SREBF2: variants seen among roughly 807,000 people sequenced by gnomAD.
The protein encoded by SREBF2 is sterol regulatory element-binding protein 2.
Under a neutral mutation model 113.1 loss-of-function variants are expected in SREBF2, and 55 were observed. The observed-to-expected ratio is 0.49, with a 90% CI of 0.39 to 0.61. The LOEUF (loss-of-function observed/expected upper bound fraction) is 0.61, where lower values mean the gene tolerates loss of function less well. Among genes scored for constraint, SREBF2 ranks in the 20% least tolerant of loss-of-function variants. The probability of loss-of-function intolerance (pLI) is 0.00; values close to 1 mark genes in which losing one functional copy is unlikely to be tolerated. For synonymous variants in SREBF2, 593 were observed against 605.7 expected (o/e 0.98, Z 0.31); for missense variants, 1,349 against 1,487.4 (o/e 0.91, Z 1.53).
rs1414450243 is a variant in SREBF2 at position 41,880,736 on chromosome 22, C to T, written c.1782C>T (p.Ala594=). ...TGTAGGGAGATTTTGCAGCTGCTGC[C>T]GGCAACCTACAAACCTGCCTGGCAG... ...DLARGDFAAA[A]GNLQTCLAVL... Residue 594 remains alanine, a synonymous_variant, in exon 10 of 19, where the codon GCC becomes GCT. Coordinates refer to ENST00000361204, the MANE Select transcript of SREBF2 (RefSeq NM_004599.4). 27 of 1,614,030 alleles carry T rather than the reference C, an allele frequency of 1.7e-5. No homozygotes were observed. The highest frequency in any genetic ancestry group is 4.5e-5 in the East Asian group (2 of 44,898).
intron 9 of SREBF2, 61 bp downstream of exon 9, chr22:41,878,184 C>G (rs567139383): frequency 1.3e-5 from 21 of 1,600,798 alleles, no homozygotes; most frequent in Non-Finnish European, 1.8e-5. Flanking sequence ...TTCAGCAACT[C>G]GTGTCAAAGA....
rs1398477143 is a variant in SREBF2, at chr22:41,905,661, C to T, written c.*1C>T. Reference sequence around the variant, plus strand: ...TGGCACTGCCATTGCCGCCTCCTGACCACCAGGCTCAGCCCACCCCTCCAC... The same window carrying T: ...TGGCACTGCCATTGCCGCCTCCTGATCACCAGGCTCAGCCCACCCCTCCAC... On this transcript the variant is annotated 3_prime_UTR_variant, in exon 19 of 19. Transcript: ENST00000361204. The T allele has an allele frequency of 6.4e-7, 1 of 1,572,678 alleles. No homozygotes were observed. The highest frequency in any genetic ancestry group is 8.6e-7 in the Non-Finnish European group (1 of 1,159,564).
chr22:41,879,116 G>A (rs573268064), intron 9 of SREBF2, among the ~76,000 whole-genome samples: 26 of 152,228 alleles, frequency 1.7e-4, no homozygotes, highest in Admixed American at 5.2e-4. Flanking sequence ...TCACCTTGAC[G>A]TCCCAAAGTG....
chr22:41,853,456 CTT>C (rs1240355810), intron 1 of SREBF2, among the ~76,000 whole-genome samples: 1 of 152,208 alleles, frequency 6.6e-6, no homozygotes, highest in Admixed American at 6.5e-5. Context: ...CCCTGTGTCT[CTT>C]TGGTGTCTTG....
At chr22:41,873,736 T>G in intron 4 of SREBF2, 62 bp from the exon 5 acceptor site, 2 of 1,527,570 alleles carry the variant, frequency 1.3e-6, no homozygotes, top group Non-Finnish European at 8.9e-7. Flanking sequence ...AGGTCTGTGT[T>G]GAGGTTGCTT....
At chr22:41,878,784 C>G in intron 9 of SREBF2, 1 of 1,275,296 alleles carries the variant, frequency 7.8e-7, no homozygotes, top group Non-Finnish European at 1.0e-6. Context: ...GCCCTCCCCA[C>G]CTCTGCAAGC....
intron 1 of SREBF2, among the ~76,000 whole-genome samples, chr22:41,844,033 T>TATACACACACACAC (rs1556029624): frequency 7.3e-5 from 9 of 123,108 alleles, no homozygotes; most frequent in African/African-American, 1.5e-4. Context: ...AAAAAATACA[T>TATACACACACACAC]ACACACACAC....
intron 1 of SREBF2, chr22:41,834,480 T>G (rs2076750250): frequency 6.5e-6 from 1 of 152,684 alleles, no homozygotes; most frequent in Non-Finnish European, 1.5e-5. Flanking sequence ...TGCATTGTAC[T>G]TTTCAGTTTT....
chr22:41,840,892 C>G (rs1213859383), intron 1 of SREBF2, among the ~76,000 whole-genome samples: 2 of 152,192 alleles, frequency 1.3e-5, no homozygotes, highest in African/African-American at 4.8e-5. Flanking sequence ...GTCACCTGAG[C>G]CTGCAGAGGA....
chr22:41,835,753 G>A (rs980144729), intron 1 of SREBF2, among the ~76,000 whole-genome samples: 12 of 152,156 alleles, frequency 7.9e-5, no homozygotes, highest in African/African-American at 2.9e-4. Context: ...TCAGCTTCCC[G>A]AGTAGTTAGG....
chr22:41,864,632 G>A (rs976254444), intron 1 of SREBF2, among the ~76,000 whole-genome samples: 2 of 151,564 alleles, frequency 1.3e-5, no homozygotes, highest in Non-Finnish European at 2.9e-5. Flanking sequence ...AAAAATCTTT[G>A]TGTTTTTTTG....
rs2076728670 is a variant in SREBF2, at chr22:41,833,220, C to G, written c.-51C>G. 6.9e-7 allele frequency: 1 copy of G among 1,444,212 alleles called. No individual in the cohort carries two copies. Among genetic ancestry groups the G allele is most frequent in the Non-Finnish European group, 9.2e-7 (1 of 1,081,236 alleles). The allele number at this position is 1,444,212 out of a possible 1,614,324, so 89.5% of individuals were successfully genotyped here. A position where few individuals can be genotyped will look rare whatever the true frequency, so the allele number is the denominator to read the frequency against. On this transcript the variant is annotated 5_prime_UTR_variant, in exon 1 of 19. Coordinates refer to ENST00000361204, the MANE Select transcript of SREBF2 (RefSeq NM_004599.4). The surrounding 1 kb of genome is among the most constrained non-coding windows in gnomAD (Gnocchi z 4.1). ...TGGGCGGTGGCGACGGCACCGCCCC[C>G]GCGTCTCCCTGAGCGGGACGGCAGG...
At chr22:41,855,049 A>C (rs8141414) in intron 1 of SREBF2, among the ~76,000 whole-genome samples, 16,255 of 151,570 alleles carry the variant, frequency 0.11, 1,528 homozygotes, top group African/African-American at 0.26. Context: ...ACTATGTGTA[A>C]TATAGCAAAG....
intron 5 of SREBF2, among the ~76,000 whole-genome samples, chr22:41,874,323 A>T (rs530796563): frequency 1.4e-4 from 21 of 152,314 alleles, no homozygotes; most frequent in African/African-American, 4.3e-4. Context: ...GTAGTTCCAG[A>T]TACAGGACTG....
intron 7 of SREBF2, among the ~76,000 whole-genome samples, 192 bp downstream of exon 7, chr22:41,875,916 C>T (rs573208379): frequency 6.6e-6 from 1 of 152,326 alleles, no homozygotes; most frequent in East Asian, 1.9e-4. Flanking sequence ...GGGAAACAGT[C>T]CCTCAGGTTT....
At chr22:41,852,941 G>C (rs1373806690) in intron 1 of SREBF2, among the ~76,000 whole-genome samples, 1 of 151,828 alleles carries the variant, frequency 6.6e-6, no homozygotes, top group Non-Finnish European at 1.5e-5. Context: ...GTAGAGACGG[G>C]GTTTCACCAT....
chr22:41,895,000 C>A, intron 13 of SREBF2, 63 bp downstream of exon 13: 1 of 1,294,444 alleles, frequency 7.7e-7, no homozygotes, highest in Non-Finnish European at 1.1e-6. Flanking sequence ...TCCAGGACAG[C>A]CTGAAGGCCT....
At position 41,902,873 on chromosome 22, in the gene SREBF2, G is replaced by A. The variant is rs1422889219; in HGVS notation, c.2908-97G>A. ...CTCTCCACTTCCTCCCAGAGCTGCT[G>A]AGTGTTGGTCTGGGGAGAGGCCTGG... On this transcript the variant is annotated intron_variant, in intron 16 of 18. Coordinates refer to ENST00000361204, the MANE Select transcript of SREBF2 (RefSeq NM_004599.4). 3.1e-6 allele frequency: 4 copies of A among 1,309,260 alleles called. No homozygotes were observed. In the South Asian group the frequency reaches 5.1e-5, roughly 17 times the overall value. The allele number at this position is 1,309,260 out of a possible 1,614,324, so 81.1% of individuals were successfully genotyped here.
At position 41,897,274 on chromosome 22, in the gene SREBF2, A is replaced by G. The variant is rs114325741; in HGVS notation, c.2605+113A>G. On this transcript the variant is annotated intron_variant, in intron 14 of 18. Transcript: ENST00000361204. Reference sequence around the variant, plus strand: ...GTGTAGATGCCAGCATCTTCTCTGGATCCCAGGTTCATACCTGTGGCTCCA... The same window carrying G: ...GTGTAGATGCCAGCATCTTCTCTGGGTCCCAGGTTCATACCTGTGGCTCCA... The G allele has an allele frequency of 9.5e-3, 6,168 of 647,292 alleles. 264 individuals carry two copies. In the African/African-American group the frequency reaches 0.1, roughly 11 times the overall value. The allele number at this position is 647,292 out of a possible 1,614,324, so 40.1% of individuals were successfully genotyped here.
Sources: gnomAD v4.1 joint callset for allele counts (sites outside exome capture counted in the v4.1 genomes callset) on GRCh38, gnomAD v4.1.1 for gene constraint, Gnocchi (gnomAD v3.1) non-coding constraint, MANE v1.5 for transcripts, NCBI Gene and HGNC (gene_info 2026-07-23, HGNC 2026-07-21) for gene names.